The following KIF6 variants were observed in gnomAD, a reference collection of about 807,000 sequenced individuals.
KIF6 encodes the protein kinesin-like protein KIF6.
In KIF6, 106 loss-of-function variants were observed where a neutral mutation model predicts 112.7. The observed-to-expected ratio is 0.94, with a 90% CI of 0.80 to 1.11. KIF6 has a LOEUF of 1.11. Among genes scored for constraint, KIF6 ranks in the 50% least tolerant of loss-of-function variants. KIF6 has a pLI of 0.00. For synonymous variants in KIF6, 339 were observed against 339.9 expected, an observed-to-expected ratio of 1.00 and a Z score of 0.03; for missense variants, 929 against 964.0, an observed-to-expected ratio of 0.96 and a Z score of 0.48.
At chr6:39,387,246 C>G (rs915247330) in intron 15 of KIF6, among the ~76,000 whole-genome samples, 1 of 152,184 alleles carries the variant, frequency 6.6e-6, no homozygotes, top group Non-Finnish European at 1.5e-5. Flanking sequence ...ATGTGCCTGG[C>G]CTGTTTTCTG....
chr6:39,673,335 G>A (rs1033682626), intron 3 of KIF6, among the ~76,000 whole-genome samples: 3 of 152,118 alleles, frequency 2.0e-5, no homozygotes, highest in Non-Finnish European at 4.4e-5. Flanking sequence ...TTCTAATCAT[G>A]GGGAAAGGTT....
intron 13 of KIF6, among the ~76,000 whole-genome samples, chr6:39,434,085 A>C (rs890930378): frequency 1.3e-5 from 2 of 152,170 alleles, no homozygotes; most frequent in African/African-American, 4.8e-5. Flanking sequence ...TGAAAGAGAA[A>C]GAGCAAAGGA....
chr6:39,628,750 T>C (rs1252879850), intron 5 of KIF6, among the ~76,000 whole-genome samples: 2 of 152,128 alleles, frequency 1.3e-5, no homozygotes, highest in African/African-American at 2.4e-5. Flanking sequence ...TTGACAAATG[T>C]ATGATATCAT....
At chr6:39,493,850 G>A (rs1211383318) in intron 13 of KIF6, among the ~76,000 whole-genome samples, 1 of 152,180 alleles carries the variant, frequency 6.6e-6, no homozygotes, top group Non-Finnish European at 1.5e-5. Context: ...CTTGCAGTAA[G>A]ATGGAGTTCA....
chr6:39,354,851 A>C (rs1295598583), intron 19 of KIF6, among the ~76,000 whole-genome samples: 1 of 152,180 alleles, frequency 6.6e-6, no homozygotes, highest in African/African-American at 2.4e-5. Flanking sequence ...GAAGTTGAGC[A>C]CCTGTCTTCC....
intron 3 of KIF6, among the ~76,000 whole-genome samples, chr6:39,665,528 C>T (rs1043327615): frequency 1.3e-5 from 2 of 151,536 alleles, no homozygotes; most frequent in African/African-American, 2.4e-5. Context: ...AAAATAATGC[C>T]GACAATTTTA....
intron 15 of KIF6, among the ~76,000 whole-genome samples, chr6:39,406,046 A>G (rs1769067370): frequency 6.6e-6 from 1 of 151,974 alleles, no homozygotes; most frequent in African/African-American, 2.4e-5. Flanking sequence ...TTTTTGATAT[A>G]GAGTCTTGCT....
intron 13 of KIF6, among the ~76,000 whole-genome samples, chr6:39,492,835 C>G (rs190521090): frequency 1.1e-3 from 167 of 152,294 alleles, no homozygotes; most frequent in African/African-American, 3.8e-3. Context: ...GACCTTGAGC[C>G]TGATGCTTTC....
chr6:39,426,237 T>G (rs1770755279), intron 14 of KIF6, among the ~76,000 whole-genome samples: 2 of 152,182 alleles, frequency 1.3e-5, no homozygotes, highest in African/African-American at 2.4e-5. Context: ...GATTGTGAAT[T>G]GCAATTGTTC....
At chr6:39,671,787 AG>A (rs1455636987) in intron 3 of KIF6, among the ~76,000 whole-genome samples, 1 of 152,254 alleles carries the variant, frequency 6.6e-6, no homozygotes, top group Admixed American at 6.5e-5. Flanking sequence ...AATATTGATA[AG>A]AAAAAAGACT....
chr6:39,443,159 T>A (rs199592985), intron 13 of KIF6, among the ~76,000 whole-genome samples: 6 of 130,110 alleles, frequency 4.6e-5, no homozygotes, highest in African/African-American at 1.2e-4. Flanking sequence ...ATAATAATAA[T>A]AAATAAAAAT....
chr6:39,640,554 A>G (rs1039812796), intron 3 of KIF6, among the ~76,000 whole-genome samples: 1 of 152,140 alleles, frequency 6.6e-6, no homozygotes, highest in Non-Finnish European at 1.5e-5. Flanking sequence ...AGCTACGATG[A>G]CATCAGCTAT....
chr6:39,354,107 C>G (rs186787031), intron 19 of KIF6: 22 of 341,400 alleles, frequency 6.4e-5, no homozygotes, highest in South Asian at 2.3e-4. Context: ...ATAGCTTAGC[C>G]CTGAAGGCCA....
At chr6:39,541,868 G>A (rs1040332223) in intron 12 of KIF6, among the ~76,000 whole-genome samples, 1 of 152,158 alleles carries the variant, frequency 6.6e-6, no homozygotes, top group Admixed American at 6.5e-5. Flanking sequence ...AGAGAAACAG[G>A]CCCGGAAGTG....
At chr6:39,721,483 C>A (rs1320678067) in intron 1 of KIF6, among the ~76,000 whole-genome samples, 1 of 152,160 alleles carries the variant, frequency 6.6e-6, no homozygotes, top group African/African-American at 2.4e-5. Context: ...AACCAACACC[C>A]TTAGGACTGT....
intron 13 of KIF6, among the ~76,000 whole-genome samples, chr6:39,478,964 T>G (rs1382452614): frequency 6.6e-6 from 1 of 152,040 alleles, no homozygotes; most frequent in East Asian, 1.9e-4. Context: ...TTTTTCTTGC[T>G]AATTTCTTTG....
chr6:39,667,432 G>A (rs899986546), intron 3 of KIF6, among the ~76,000 whole-genome samples: 1 of 152,084 alleles, frequency 6.6e-6, no homozygotes, highest in Non-Finnish European at 1.5e-5. Flanking sequence ...GCACCAATAG[G>A]ATGGCACCCG....
In KIF6 at chr6:39,410,349, T is replaced by G. The variant is rs140746621; in HGVS notation, c.1810+9599A>C. Among the ~76,000 whole-genome samples the G allele has an allele frequency of 1.9e-3, 282 of 152,382 alleles. 2 individuals are homozygous for G. The highest frequency in any genetic ancestry group is 6.7e-3 in the African/African-American group (277 of 41,592). ...TCTCCCATAAGGGAAAGAAATTTCA[T>G]TTTAAGGCATTTCATTAAAATGAAA... is the stretch of plus-strand genomic sequence containing the variant. On this transcript the variant is annotated intron_variant, in intron 15 of 22. Coordinates refer to ENST00000287152, the MANE Select transcript of KIF6 (RefSeq NM_145027.6).
chr6:39,605,990 G>T (rs1164923318), intron 6 of KIF6, among the ~76,000 whole-genome samples: 1 of 151,938 alleles, frequency 6.6e-6, no homozygotes, highest in East Asian at 1.9e-4. Context: ...TGTTGCCTTT[G>T]TTCCCTCCCC....
Sources: allele counts gnomAD v4.1 joint callset (sites outside exome capture counted in the v4.1 genomes callset), GRCh38; gene constraint gnomAD v4.1.1; transcripts MANE v1.5; gene names NCBI Gene and HGNC (gene_info 2026-07-23, HGNC 2026-07-21).